The following NEK10 variants were observed in gnomAD, a reference collection of about 807,000 sequenced individuals.
NEK10 encodes the protein serine/threonine-protein kinase Nek10.
A neutral mutation model predicts 159.8 loss-of-function variants in NEK10; 122 were observed. The observed-to-expected ratio is 0.76, with a 90% confidence interval of 0.66 to 0.89. The LOEUF (loss-of-function observed/expected upper bound fraction) is 0.89, where lower values mean the gene tolerates loss of function less well. NEK10 is among the 40% of genes least tolerant of loss of function. The pLI is 0.00. For synonymous variants in NEK10, 466 were observed against 457.1 expected (o/e 1.02, Z -0.25); for missense variants, 1,342 against 1,323.1 (o/e 1.01, Z -0.22).
At chr3:27,296,486 T>G (rs953380804) in intron 14 of NEK10, among the ~76,000 whole-genome samples, 1 of 152,182 alleles carries the variant, frequency 6.6e-6, no homozygotes, top group African/African-American at 2.4e-5. Flanking sequence ...ATGTCCTAAT[T>G]TAATCATTGA....
intron 23 of NEK10, among the ~76,000 whole-genome samples, chr3:27,231,575 A>G (rs141609824): frequency 1.4e-3 from 207 of 152,186 alleles, no homozygotes; most frequent in African/African-American, 4.8e-3. Flanking sequence ...TTGAAAAGAT[A>G]AACAAAATTG....
At chr3:27,247,731 T>A (rs1055512165) in intron 23 of NEK10, among the ~76,000 whole-genome samples, 1 of 151,958 alleles carries the variant, frequency 6.6e-6, no homozygotes, top group African/African-American at 2.4e-5. Flanking sequence ...GAGACAGGGT[T>A]TCGCCATGTT....
chr3:27,350,783 G>A (rs1034380308), intron 3 of NEK10, among the ~76,000 whole-genome samples: 7 of 152,114 alleles, frequency 4.6e-5, no homozygotes, highest in African/African-American at 1.2e-4. Flanking sequence ...AAGGGCACAC[G>A]AGAGATCCAG....
At chr3:27,344,954 C>T (rs1396590494) in intron 4 of NEK10, among the ~76,000 whole-genome samples, 1 of 152,070 alleles carries the variant, frequency 6.6e-6, no homozygotes, top group Non-Finnish European at 1.5e-5. Flanking sequence ...TGAGATATTC[C>T]AGCTTCAGCT....
chr3:27,345,199 G>A (rs139017825), intron 4 of NEK10, among the ~76,000 whole-genome samples: 2 of 152,238 alleles, frequency 1.3e-5, no homozygotes, highest in East Asian at 1.9e-4. Flanking sequence ...GTTGCCATGC[G>A]TAATGTTCTG....
chr3:27,368,330 T>G (rs183600331), intron 1 of NEK10, among the ~76,000 whole-genome samples: 722 of 143,096 alleles, frequency 5.0e-3, no homozygotes, highest in African/African-American at 0.02. Context: ...TATATATATA[T>G]ATACACATAT....
intron 5 of NEK10, among the ~76,000 whole-genome samples, chr3:27,342,435 T>C (rs1441960893): frequency 6.6e-6 from 1 of 152,160 alleles, no homozygotes; most frequent in Non-Finnish European, 1.5e-5. Flanking sequence ...GAACTGAACA[T>C]AACAAGCTGT....
intron 12 of NEK10, among the ~76,000 whole-genome samples, chr3:27,303,786 G>T (rs1415647122): frequency 6.6e-6 from 1 of 152,110 alleles, no homozygotes; most frequent in Non-Finnish European, 1.5e-5. Flanking sequence ...CAAATACAAA[G>T]TCATAACAAC....
At chr3:27,114,823 A>G (rs561044202) in intron 35 of NEK10, among the ~76,000 whole-genome samples, 13 of 152,312 alleles carry the variant, frequency 8.5e-5, no homozygotes, top group Middle Eastern at 3.4e-3. Context: ...TGGCCCAGAT[A>G]GAGTGTGTGT....
rs770055117 is a variant in NEK10, at chr3:27,174,461, G to T, written c.2754C>A (p.Ser918Arg). Residue 918 changes from serine to arginine, a missense_variant, in exon 28 of 36, where the codon AGC becomes AGA. Coordinates refer to ENST00000691995, the MANE Select transcript of NEK10 (RefSeq NM_001394966.1). ...ISDNSSSSSS[S>R]PLKESTFNIL... ...TACTGAATGTAGATTCTTTCAGAGG[G>T]CTTGAACTGGAGCTGCTGGAGTTAT... 109 of 1,612,100 alleles carry T rather than the reference G, an allele frequency of 6.8e-5. No individual in the cohort carries two copies. The South Asian group carries it at 1.1e-3, about 17-fold the overall frequency.
intron 23 of NEK10, chr3:27,216,566 C>T (rs1951551283): frequency 6.6e-6 from 1 of 152,216 alleles, no homozygotes; most frequent in African/African-American, 2.4e-5. Flanking sequence ...AGAACTCTAC[C>T]TCTTGGAACA....
chr3:27,209,261 C>T (rs1042860272), intron 23 of NEK10, among the ~76,000 whole-genome samples: 1 of 152,188 alleles, frequency 6.6e-6, no homozygotes, highest in African/African-American at 2.4e-5. Context: ...TTTCATCTGG[C>T]AATCCTAAAT....
chr3:27,344,324 T>G lies in NEK10; in HGVS notation c.310A>C (p.Lys104Gln). The G allele has an allele frequency of 6.3e-7, 1 of 1,598,914 alleles. No homozygotes were observed. The highest frequency in any genetic ancestry group is 8.5e-7 in the Non-Finnish European group (1 of 1,169,736). Residue 104 changes from lysine (K) to glutamine (Q), a missense_variant, in exon 5 of 36, where the codon AAA becomes CAA. Coordinates refer to ENST00000691995, the MANE Select transcript of NEK10 (RefSeq NM_001394966.1). ...GCGGTAAAGATCTCCTGAAATAGTT[T>G]ACGCTGAGGATGTTTGCTGAAATTT... ...ERNFSKHPQRKLFQEIFTALV... is the reference protein window; with the variant it reads ...ERNFSKHPQRQLFQEIFTALV...
At chr3:27,228,928 C>T (rs563478983) in intron 23 of NEK10, among the ~76,000 whole-genome samples, 122 of 152,182 alleles carry the variant, frequency 8.0e-4, no homozygotes, top group Non-Finnish European at 1.4e-3. Context: ...TTGAGAGCTC[C>T]CCCAGCCACC....
At chr3:27,272,727 T>C (rs2041466189) in intron 22 of NEK10, among the ~76,000 whole-genome samples, 1 of 152,172 alleles carries the variant, frequency 6.6e-6, no homozygotes, top group Non-Finnish European at 1.5e-5. Flanking sequence ...GTACTCAAGA[T>C]AAGATGATAA....
At chr3:27,151,886 T>C (rs941686899) in intron 30 of NEK10, among the ~76,000 whole-genome samples, 1 of 152,012 alleles carries the variant, frequency 6.6e-6, no homozygotes, top group Non-Finnish European at 1.5e-5. Context: ...AGCAATAGAA[T>C]TGAACAAGTA....
chr3:27,232,783 C>T lies in NEK10; in HGVS notation c.2090+23513G>A, dbSNP rs188181589. On this transcript the variant is annotated intron_variant, in intron 23 of 35. Transcript: ENST00000691995. The stretch of plus-strand genomic sequence containing the variant: ...AGACTTACAGCCAACTGATCTTCAA[C>T]AAAACAAACAAAAACATAAATTGGG... Among the ~76,000 whole-genome samples, 480 of 152,008 alleles carry T rather than the reference C, an allele frequency of 3.2e-3. 1 individual carries two copies. The highest frequency in any genetic ancestry group is 4.7e-3 in the Non-Finnish European group (321 of 67,850).
In NEK10 at chr3:27,322,071, G is replaced by A. The variant is rs929497634; in HGVS notation, c.447+106C>T. 2.2e-5 allele frequency: 14 copies of A among 625,812 alleles called. No homozygotes were observed. In the South Asian group the frequency reaches 3.0e-4, roughly 13 times the overall value. The allele number at this position is 625,812 out of a possible 1,614,324, so 38.8% of individuals were successfully genotyped here. A position where few individuals can be genotyped will look rare whatever the true frequency, so the allele number is the denominator to read the frequency against. ...ATATATGGAAGCTATTGAGTTGTGA[G>A]AGAGAAAACAAAAAGTAAACATGGA... On this transcript the variant is annotated intron_variant, in intron 6 of 35. Coordinates refer to ENST00000691995, the MANE Select transcript of NEK10 (RefSeq NM_001394966.1).
intron 26 of NEK10, among the ~76,000 whole-genome samples, chr3:27,177,412 G>T (rs1947626164): frequency 1.3e-5 from 2 of 151,972 alleles, no homozygotes. Flanking sequence ...GGGCATGGTG[G>T]TGGGCGCCTG....
Sources: gnomAD v4.1 joint callset for allele counts (sites outside exome capture counted in the v4.1 genomes callset) on GRCh38, gnomAD v4.1.1 for gene constraint, MANE v1.5 for transcripts, NCBI Gene and HGNC (gene_info 2026-07-23, HGNC 2026-07-21) for gene names.